Variants in CERS5 observed in about 807,000 individuals in gnomAD.
CERS5 encodes the protein ceramide synthase 5, also known as LAG1 homolog, ceramide synthase 5.
CERS5 carries 37 observed loss-of-function variants against 58.9 expected under a neutral mutation model. The observed-to-expected ratio is 0.63, with a 90% CI of 0.48 to 0.83. The LOEUF (loss-of-function observed/expected upper bound fraction) is 0.83, where lower values mean the gene tolerates loss of function less well. Ranked by LOEUF, CERS5 falls within the 40% of genes least tolerant of loss-of-function variation. CERS5 has a pLI of 0.00. For synonymous variants in CERS5, 147 were observed against 177.8 expected (o/e 0.83, Z 1.38); for missense variants, 398 against 489.3 (o/e 0.81, Z 1.76).
chr12:50,132,907 AACC>A (rs747590346), intron 9 of CERS5: 1 of 1,285,784 alleles, frequency 7.8e-7, no homozygotes. Flanking sequence ...GAGGAAAGAG[AACC>A]ACATTCAGAT....
intron 1 of CERS5, chr12:50,144,485 A>G (rs533512124): frequency 3.3e-6 from 1 of 306,138 alleles, no homozygotes; most frequent in Non-Finnish European, 6.0e-6. Flanking sequence ...AGACCCTGGC[A>G]CAAAGGAGGT....
Position 50,141,695 on chromosome 12 carries a change from T to G in CERS5, c.492+358A>C, listed in dbSNP as rs149892123. On this transcript the variant is annotated intron_variant, in intron 4 of 9. Coordinates refer to ENST00000317551, the MANE Select transcript of CERS5 (RefSeq NM_147190.5). ...GGCTCATGCCTGAAATCCTGGCACTTTGGGAGGCCAAGGCGGGTGGATCAC... is the reference window on the plus strand; with the variant it reads ...GGCTCATGCCTGAAATCCTGGCACTGTGGGAGGCCAAGGCGGGTGGATCAC... Among the ~76,000 whole-genome samples, 1,120 of 152,104 alleles carry G rather than the reference T, an allele frequency of 7.4e-3. 16 individuals carry two copies. Among genetic ancestry groups the G allele is most frequent in the African/African-American group, 0.026 (1,069 of 41,510 alleles).
At chr12:50,154,113 G>T in intron 1 of CERS5, 2 of 259,230 alleles carry the variant, frequency 7.7e-6, no homozygotes, top group Non-Finnish European at 1.6e-5. Context: ...CCAGCACTTT[G>T]GGAGGCCGAG....
At chr12:50,162,120 C>T (rs915961399) in intron 1 of CERS5, among the ~76,000 whole-genome samples, 10 of 151,046 alleles carry the variant, frequency 6.6e-5, no homozygotes, top group Non-Finnish European at 2.9e-5. Context: ...AGTTAATCCA[C>T]CTGCCTTGGC....
In CERS5 at chr12:50,129,671, T is replaced by TACCA. The variant is rs750421562; in HGVS notation, c.*870_*873dup. 3 of 152,080 alleles carry TACCA rather than the reference T, an allele frequency of 2.0e-5. No homozygotes were observed. The highest frequency in any genetic ancestry group is 4.8e-5 in the African/African-American group (2 of 41,394). The allele number at this position is 152,080 out of a possible 1,614,324, so 9.4% of individuals were successfully genotyped here. ...TGTAAGCACCCTGGCTGACTCTTCC[T>TACCA]ACCATGCACAGAAAGGAAAAATTTG... is the stretch of plus-strand genomic sequence containing the variant. On this transcript the variant is annotated 3_prime_UTR_variant, in exon 10 of 10. Transcript: ENST00000317551.
intron 1 of CERS5, among the ~76,000 whole-genome samples, chr12:50,146,846 CAAAAAAA>C (rs10714679): frequency 2.9e-5 from 3 of 105,014 alleles, no homozygotes; most frequent in African/African-American, 3.6e-5. Flanking sequence ...GACTCCGTCT[CAAAAAAA>C]AAAAAAAAAA....
intron 1 of CERS5, among the ~76,000 whole-genome samples, chr12:50,162,900 G>A (rs1237621076): frequency 6.6e-6 from 1 of 151,970 alleles, no homozygotes; most frequent in African/African-American, 2.4e-5. Flanking sequence ...CACTGTGCCT[G>A]GCCTCTCTTT....
In CERS5 at chr12:50,143,154, A is replaced by G; in HGVS notation, c.354T>C (p.Asn118=). ...GAAACCAGCATTGGATTTTTCGGAC[A>G]TTCCAATCCAGCTGCTTTGACAGGC... is the stretch of plus-strand genomic sequence containing the variant. ...LEGLSKQLDW[N]VRKIQCWFRH... The change falls in exon 3 of 10, where the codon AAT becomes AAC. Residue 118 remains asparagine (N), a synonymous_variant. Coordinates refer to ENST00000317551, the MANE Select transcript of CERS5 (RefSeq NM_147190.5). 6.2e-7 allele frequency: 1 copy of G among 1,614,146 alleles called. No homozygotes were observed. Among genetic ancestry groups the G allele is most frequent in the Non-Finnish European group, 8.5e-7 (1 of 1,180,008 alleles).
intron 9 of CERS5, among the ~76,000 whole-genome samples, chr12:50,132,478 C>T (rs1452868200): frequency 2.0e-5 from 3 of 151,908 alleles, no homozygotes; most frequent in Admixed American, 6.6e-5. Flanking sequence ...TCCAGTGAGA[C>T]CTGTGTCGGA....
chr12:50,164,266 A>AT (rs34566112), intron 1 of CERS5, among the ~76,000 whole-genome samples: 1,835 of 141,930 alleles, frequency 0.013, 14 homozygotes, highest in African/African-American at 0.028. Flanking sequence ...CGCTCTCCCA[A>AT]TTTTTTTTTT....
At chr12:50,164,006 C>A (rs933972076) in intron 1 of CERS5, among the ~76,000 whole-genome samples, 1 of 144,970 alleles carries the variant, frequency 6.9e-6, no homozygotes, top group Admixed American at 7.2e-5. Flanking sequence ...GCAGCCCAGG[C>A]TGGAGTGCAA....
Position 50,149,753 on chromosome 12 carries a change from G to C in CERS5, c.198-5696C>G, listed in dbSNP as rs568511029. 7.8e-4 allele frequency among the ~76,000 whole-genome samples: 119 copies of C among 152,220 alleles called. 1 individual carries two copies. Among genetic ancestry groups the C allele is most frequent in the African/African-American group, 2.7e-3 (113 of 41,548 alleles). ...CAAATGTTATTTATGTATTTATTTA[G>C]AGACAGAGTCTCGCTCTGATGCCTA... On this transcript the variant is annotated intron_variant, in intron 1 of 9. Coordinates refer to ENST00000317551, the MANE Select transcript of CERS5 (RefSeq NM_147190.5).
At position 50,130,080 on chromosome 12, in the gene CERS5, C is replaced by G. The variant is rs981941705; in HGVS notation, c.*465G>C. 1 of 153,564 alleles carries G rather than the reference C, an allele frequency of 6.5e-6. No homozygotes were observed. Among genetic ancestry groups the G allele is most frequent in the Non-Finnish European group, 1.5e-5 (1 of 68,732 alleles). The allele number at this position is 153,564 out of a possible 1,614,324, so 9.5% of individuals were successfully genotyped here. ...ACATATTCCAGCTGTGAAAGAGGAA[C>G]AGTACAGAAATGTGGGACTGAACTT... On this transcript the variant is annotated 3_prime_UTR_variant, in exon 10 of 10. Transcript: ENST00000317551.
At chr12:50,160,633 T>G (rs1391117412) in intron 1 of CERS5, among the ~76,000 whole-genome samples, 1 of 152,224 alleles carries the variant, frequency 6.6e-6, no homozygotes, top group South Asian at 2.1e-4. Flanking sequence ...TGAACCTATA[T>G]AGATCTGATG....
At chr12:50,148,548 G>C (rs1158196789) in intron 1 of CERS5, 1 of 352,782 alleles carries the variant, frequency 2.8e-6, no homozygotes, top group Admixed American at 3.0e-5. Context: ...AGTGAGCTGA[G>C]ATCTCACCAC....
chr12:50,153,823 G>A (rs147865949), intron 1 of CERS5: 28 of 402,526 alleles, frequency 7.0e-5, no homozygotes, highest in South Asian at 3.1e-4. Context: ...GCGTGATGGC[G>A]CATACCCATA....
chr12:50,162,184 CTTTTTTTTT>C (rs75460499), intron 1 of CERS5, among the ~76,000 whole-genome samples: 46,467 of 129,444 alleles, frequency 0.36, 8,398 homozygotes, highest in East Asian at 0.77. Context: ...CTGATTTGTT[CTTTTTTTTT>C]TTTTTTTTTT....
chr12:50,148,927 A>AATATATATATATATATATATATATAT (rs773368671), intron 1 of CERS5, among the ~76,000 whole-genome samples: 5 of 48,028 alleles, frequency 1.0e-4, no homozygotes, highest in Admixed American at 6.3e-4. Flanking sequence ...AAAAAAAAAA[A>AATATATATATATATATATATATATAT]ATATATATAT....
At chr12:50,137,865 T>A in intron 5 of CERS5, 45 bp from the exon 6 acceptor site, 3 of 1,285,758 alleles carry the variant, frequency 2.3e-6, no homozygotes, top group Non-Finnish European at 3.4e-6. Context: ...TAGTCAAAGG[T>A]GCATTCCATC....
Sources: allele counts gnomAD v4.1 joint callset (sites outside exome capture counted in the v4.1 genomes callset), GRCh38; gene constraint gnomAD v4.1.1; transcripts MANE v1.5; gene names NCBI Gene and HGNC (gene_info 2026-07-23, HGNC 2026-07-21).